STX1B: variants seen among roughly 807,000 people sequenced by gnomAD.
STX1B encodes the protein syntaxin 1B.
STX1B carries 7 observed loss-of-function variants against 39.4 expected under a neutral mutation model. The observed-to-expected ratio is 0.18, with a 90% CI of 0.10 to 0.33. The LOEUF is 0.33. Ranked by LOEUF, STX1B falls within the 10% of genes least tolerant of loss-of-function variation. The pLI, the probability that STX1B is intolerant of heterozygous loss-of-function variation, is 1.00. For synonymous variants in STX1B, 136 were observed against 144.1 expected, an observed-to-expected ratio of 0.94 and a Z score of 0.40; for missense variants, 198 against 383.2, an observed-to-expected ratio of 0.52 and a Z score of 4.04.
At chr16:30,998,170 A>G (rs1397858566) in intron 4 of STX1B, among the ~76,000 whole-genome samples, 1 of 152,260 alleles carries the variant, frequency 6.6e-6, no homozygotes. Context: ...GACGTTCTGG[A>G]AAAGTGCACA....
Position 30,991,278 on chromosome 16 carries a change from G to A in STX1B, c.*1543C>T, listed in dbSNP as rs2056555994. 1.3e-5 allele frequency: 2 copies of A among 152,824 alleles called. No homozygotes were observed. Among genetic ancestry groups the A allele is most frequent in the East Asian group, 3.9e-4 (2 of 5,194 alleles). 9.5% of individuals were successfully genotyped at this position (152,824 alleles called of 1,614,324 possible). On this transcript the variant is annotated 3_prime_UTR_variant, in exon 10 of 10. Coordinates refer to ENST00000215095, the MANE Select transcript of STX1B (RefSeq NM_052874.5). ...CGTGTGAGCACACTGAGGGGTACCA[G>A]CTTCCAGGGGCTCGGGGCTATGCTG...
Position 30,993,502 on chromosome 16 carries a change from A to G in STX1B, c.538-18T>C. On this transcript the variant is annotated intron_variant, in intron 7 of 9. Coordinates refer to ENST00000215095, the MANE Select transcript of STX1B (RefSeq NM_052874.5). ...ATTTTGATCTAGGGTGACGAGGGAG[A>G]GAGCTACAATCACCCTTCTCCGCCA... 1.9e-6 allele frequency: 3 copies of G among 1,612,482 alleles called. No individual in the cohort carries two copies. The highest frequency in any genetic ancestry group is 1.7e-5 in the Admixed American group (1 of 60,010).
Position 30,996,707 on chromosome 16 carries a change from C to T in STX1B, c.513G>A (p.Gly171=), listed in dbSNP as rs143402089. The change falls in exon 7 of 10, where the codon GGG becomes GGA. Residue 171 remains glycine, a synonymous_variant. Transcript: ENST00000215095. ...NEELEDMLES[G]KLAIFTDDIK... is the part of the protein sequence containing the mutation. The stretch of plus-strand genomic sequence containing the variant: ...CGTCATCTGTGAAGATGGCCAGCTT[C>T]CCGCTCTCCAGCATGTCTTCCAGTT... The T allele has an allele frequency of 4.3e-6, 7 of 1,614,144 alleles. No homozygotes were observed. The highest frequency in any genetic ancestry group is 5.1e-6 in the Non-Finnish European group (6 of 1,179,966).
chr16:31,000,161 A>C (rs985271184), intron 4 of STX1B, among the ~76,000 whole-genome samples: 1 of 148,896 alleles, frequency 6.7e-6, no homozygotes, highest in East Asian at 2.0e-4. Context: ...CCATGCCCGG[A>C]TAATTTTTGT....
At position 30,992,776 on chromosome 16, in the gene STX1B, G is replaced by T. The variant is rs113816974; in HGVS notation, c.*45C>A. 11 of 1,282,674 alleles carry T rather than the reference G, an allele frequency of 8.6e-6. No individual in the cohort carries two copies. The highest frequency in any genetic ancestry group is 1.1e-5 in the Non-Finnish European group (10 of 889,120). 79.5% of individuals were successfully genotyped at this position (1,282,674 alleles called of 1,614,324 possible). On this transcript the variant is annotated 3_prime_UTR_variant, in exon 10 of 10. Transcript: ENST00000215095. ...AAGGGGTGGTGGGGGTATTGCTCCC[G>T]ATGTGGTGGGGGAAGGGTCTGGGAG...
At chr16:30,997,421 G>T in intron 5 of STX1B, 81 bp downstream of exon 5, 21 of 890,520 alleles carry the variant, frequency 2.4e-5, no homozygotes, top group Non-Finnish European at 3.5e-5. Context: ...GCCGGTGCTT[G>T]GCCCTGGCCC....
Position 30,992,507 on chromosome 16 carries a change from A to C in STX1B, c.*314T>G. 6.8e-6 allele frequency: 2 copies of C among 293,062 alleles called. No homozygotes were observed. Among genetic ancestry groups the C allele is most frequent in the Non-Finnish European group, 6.5e-6 (1 of 153,786 alleles). 18.2% of individuals were successfully genotyped at this position (293,062 alleles called of 1,614,324 possible). ...GCACACACACCCAAGGTGGGGGTGG[A>C]GGGGGTGCTCTGGTGCATCACACAC... On this transcript the variant is annotated 3_prime_UTR_variant, in exon 10 of 10. Transcript: ENST00000215095.
At chr16:31,000,089 C>A (rs1596718663) in intron 4 of STX1B, among the ~76,000 whole-genome samples, 1 of 151,724 alleles carries the variant, frequency 6.6e-6, no homozygotes, top group African/African-American at 2.4e-5. Context: ...CCTCTGCCTC[C>A]CGGGTTCAAG....
At position 31,001,241 on chromosome 16, in the gene STX1B, A is replaced by G. The variant is rs200776735; in HGVS notation, c.106-48T>C. ...CCCAGCCAAGCTGTCAGGCCAAACA[A>G]CGGGTTCCAGGGGAACCAGCCAGGG... is the stretch of plus-strand genomic sequence containing the variant. On this transcript the variant is annotated intron_variant, in intron 2 of 9. Transcript: ENST00000215095. The surrounding 1 kb of genome is among the most constrained non-coding windows in gnomAD (Gnocchi z 5.5). 3 of 1,584,740 alleles carry G rather than the reference A, an allele frequency of 1.9e-6. No individual in the cohort carries two copies. The highest frequency in any genetic ancestry group is 2.2e-5 in the East Asian group (1 of 44,742).
intron 1 of STX1B, among the ~76,000 whole-genome samples, chr16:31,007,483 A>G (rs946240715): frequency 4.0e-5 from 6 of 151,804 alleles, no homozygotes; most frequent in African/African-American, 1.5e-4. Context: ...CTGGAGCCCC[A>G]CTCTGGCTTC....
chr16:31,006,705 C>T (rs2056656493), intron 1 of STX1B, among the ~76,000 whole-genome samples: 1 of 152,136 alleles, frequency 6.6e-6, no homozygotes, highest in South Asian at 2.1e-4. Context: ...GCCAACTGTG[C>T]CACAGTGCTG....
rs1231533009 is a variant in STX1B, at chr16:31,000,313, TTTTG to T, written c.280+611_280+614del. Among the ~76,000 whole-genome samples, 373 of 139,998 alleles carry T rather than the reference TTTTG, an allele frequency of 2.7e-3. 1 individual carries two copies. The highest frequency in any genetic ancestry group is 8.4e-3 in the African/African-American group (314 of 37,560). The allele number at this position is 139,998 out of a possible 152,430, so 91.8% of individuals were successfully genotyped here. On this transcript the variant is annotated intron_variant, in intron 4 of 9. Transcript: ENST00000215095. The stretch of plus-strand genomic sequence containing the variant: ...GAGCTACCACGCCCAGTCCCTTTTT[TTTTG>T]TTTGTTTGTTTTTTGTTTTTTTTTT...
At chr16:30,993,541 C>A in intron 7 of STX1B, 57 bp from the exon 8 acceptor site, 1 of 1,590,000 alleles carries the variant, frequency 6.3e-7, no homozygotes, top group Admixed American at 1.7e-5. Flanking sequence ...GCGCCTCCAC[C>A]GCAGTGGAGT....
intron 7 of STX1B, among the ~76,000 whole-genome samples, chr16:30,994,344 G>A (rs1250387727): frequency 2.0e-5 from 3 of 149,982 alleles, no homozygotes; most frequent in African/African-American, 7.4e-5. Context: ...AGTACTCTGG[G>A]AGGCCAAGGC....
In STX1B at chr16:31,001,482, G is replaced by GGGTGCT. The variant is rs762939003; in HGVS notation, c.105+41_105+46dup. 4 of 1,446,402 alleles carry GGGTGCT rather than the reference G, an allele frequency of 2.8e-6. No individual in the cohort carries two copies. Among genetic ancestry groups the GGGTGCT allele is most frequent in the East Asian group, 4.6e-5 (2 of 43,352 alleles). 89.6% of individuals were successfully genotyped at this position (1,446,402 alleles called of 1,614,324 possible). On this transcript the variant is annotated intron_variant, in intron 2 of 9. Transcript: ENST00000215095. This position sits in a 1 kb window ranked among gnomAD's most constrained non-coding sequence, Gnocchi z 5.5. ...GGCGGTGGGACTAGGGGCTGGGGCTGGGTGCTGGGGCTGGGGCTGGGGCTG... is the reference window on the plus strand; with the variant it reads ...GGCGGTGGGACTAGGGGCTGGGGCTGGGTGCTGGTGCTGGGGCTGGGGCTGGGGCTG...
At chr16:30,997,105 G>T in intron 5 of STX1B, 46 bp from the exon 6 acceptor site, 1 of 1,356,118 alleles carries the variant, frequency 7.4e-7, no homozygotes, top group Non-Finnish European at 1.1e-6. Flanking sequence ...GGTAGTCAGG[G>T]ATCAGGGAGG....
In STX1B at chr16:30,992,513, T is replaced by G; in HGVS notation, c.*308A>C. The G allele has an allele frequency of 3.4e-6, 1 of 294,816 alleles. No individual in the cohort carries two copies. Among genetic ancestry groups the G allele is most frequent in the Non-Finnish European group, 6.4e-6 (1 of 155,894 alleles). 18.3% of individuals were successfully genotyped at this position (294,816 alleles called of 1,614,324 possible). On this transcript the variant is annotated 3_prime_UTR_variant, in exon 10 of 10. Coordinates refer to ENST00000215095, the MANE Select transcript of STX1B (RefSeq NM_052874.5). ...ACACCCAAGGTGGGGGTGGAGGGGGTGCTCTGGTGCATCACACACATCACA... is the reference window on the plus strand; with the variant it reads ...ACACCCAAGGTGGGGGTGGAGGGGGGGCTCTGGTGCATCACACACATCACA...
chr16:31,001,945 T>C lies in STX1B; in HGVS notation c.31-342A>G. Among the ~76,000 whole-genome samples the C allele has an allele frequency of 6.6e-6, 1 of 152,134 alleles. No homozygotes were observed. Among genetic ancestry groups the C allele is most frequent in the East Asian group, 1.9e-4 (1 of 5,194 alleles). On this transcript the variant is annotated intron_variant, in intron 1 of 9. Coordinates refer to ENST00000215095, the MANE Select transcript of STX1B (RefSeq NM_052874.5). This position sits in a 1 kb window ranked among gnomAD's most constrained non-coding sequence, Gnocchi z 5.5. ...TTGCAGTAACTGACCCTGGGCTCCA[T>C]GAAGGGTCCTGGACTAGAGTCCCGG...
chr16:30,998,684 AAG>A (rs1400944881), intron 4 of STX1B, among the ~76,000 whole-genome samples: 1 of 152,212 alleles, frequency 6.6e-6, no homozygotes, highest in African/African-American at 2.4e-5. Context: ...GAAGAGGACT[AAG>A]AGAATCCTCT....
Sources: gnomAD v4.1 joint callset for allele counts (sites outside exome capture counted in the v4.1 genomes callset) on GRCh38, gnomAD v4.1.1 for gene constraint, Gnocchi (gnomAD v3.1) non-coding constraint, MANE v1.5 for transcripts, NCBI Gene and HGNC (gene_info 2026-07-23, HGNC 2026-07-21) for gene names.